Variants in AFAP1 observed in about 807,000 individuals in gnomAD.
AFAP1 encodes the protein actin filament associated protein 1.
In AFAP1, 75 loss-of-function variants were observed where a neutral mutation model predicts 93.9. The observed-to-expected ratio is 0.80, with a 90% confidence interval of 0.66 to 0.97. The LOEUF (loss-of-function observed/expected upper bound fraction) is 0.97, where lower values mean the gene tolerates loss of function less well. Among genes scored for constraint, AFAP1 ranks in the 50% least tolerant of loss-of-function variants. The pLI is 0.00. For missense variants in AFAP1, 1,201 were observed against 1,050.8 expected (o/e 1.14, Z -1.98); for synonymous variants, 517 against 430.7 (o/e 1.20, Z -2.48).
chr4:7,853,418 C>T (rs1329490707), intron 4 of AFAP1, among the ~76,000 whole-genome samples: 5 of 152,300 alleles, frequency 3.3e-5, no homozygotes, highest in East Asian at 3.9e-4. Context: ...TGCAGGTGGA[C>T]GCGGGGACAG....
At chr4:7,838,837 C>G in intron 5 of AFAP1, 134 bp from the exon 6 acceptor site, 1 of 645,952 alleles carries the variant, frequency 1.5e-6, no homozygotes, top group Non-Finnish European at 2.5e-6. Flanking sequence ...AGCAGGTTCA[C>G]ACACACACAC....
intron 6 of AFAP1, among the ~76,000 whole-genome samples, chr4:7,830,014 C>T (rs1721753157): frequency 6.6e-6 from 1 of 152,036 alleles, no homozygotes; most frequent in Non-Finnish European, 1.5e-5. Flanking sequence ...ATGGTCTATT[C>T]ATACAATAAA....
Position 7,939,817 on chromosome 4 carries a change from G to C in AFAP1, c.-164C>G, listed in dbSNP as rs766263663. ...GTGTACCCCGCTCGAGATCCGGCTCGGCTCGCGGAGCTGCAGCCGGCGTGG... is the reference window on the plus strand; with the variant it reads ...GTGTACCCCGCTCGAGATCCGGCTCCGCTCGCGGAGCTGCAGCCGGCGTGG... On this transcript the variant is annotated 5_prime_UTR_variant, in exon 1 of 18. Transcript: ENST00000420658. The surrounding 1 kb of genome is among the most constrained non-coding windows in gnomAD (Gnocchi z 5.6). 7 of 304,190 alleles carry C rather than the reference G, an allele frequency of 2.3e-5. No homozygotes were observed. The highest frequency in any genetic ancestry group is 4.7e-5 in the African/African-American group (2 of 42,864). 18.8% of individuals were successfully genotyped at this position (304,190 alleles called of 1,614,324 possible).
intron 4 of AFAP1, among the ~76,000 whole-genome samples, chr4:7,855,175 C>T (rs925350855): frequency 1.3e-5 from 2 of 152,156 alleles, no homozygotes; most frequent in African/African-American, 4.8e-5. Context: ...AAAAATATAC[C>T]ACAAAGAGCC....
chr4:7,869,034 G>C (rs1396105272), intron 2 of AFAP1, among the ~76,000 whole-genome samples: 2 of 87,232 alleles, frequency 2.3e-5, no homozygotes, highest in Admixed American at 2.3e-4. Flanking sequence ...AAAGAAAAAA[G>C]AAAGAAAAGA....
intron 7 of AFAP1, among the ~76,000 whole-genome samples, chr4:7,817,354 G>T (rs1332911822): frequency 1.3e-5 from 2 of 152,162 alleles, no homozygotes; most frequent in Admixed American, 6.5e-5. Flanking sequence ...TGTAATCCCA[G>T]CACTTTGGGA....
intron 1 of AFAP1, among the ~76,000 whole-genome samples, chr4:7,916,361 A>G (rs1023217515): frequency 1.3e-5 from 2 of 152,030 alleles, no homozygotes; most frequent in African/African-American, 4.8e-5. Context: ...AAAGGCAGGG[A>G]CCTCTCTGGG....
rs772235854 is a variant in AFAP1, at chr4:7,913,408, AT to A, written c.-3+26247del. ...GTCTCCAAAAAAAAAAAAAAAAAAAATGCTAGCGCATCACCCATATTAAAGA... is the reference window on the plus strand; with the variant it reads ...GTCTCCAAAAAAAAAAAAAAAAAAAAGCTAGCGCATCACCCATATTAAAGA... On this transcript the variant is annotated intron_variant, in intron 1 of 17. Coordinates refer to ENST00000420658, the MANE Select transcript of AFAP1 (RefSeq NM_001134647.2). Among the ~76,000 whole-genome samples the A allele has an allele frequency of 6.0e-5, 9 of 151,118 alleles. No individual in the cohort carries two copies. The South Asian group carries it at 1.9e-3, about 32-fold the overall frequency.
At chr4:7,844,367 G>C (rs932981442) in intron 4 of AFAP1, among the ~76,000 whole-genome samples, 1 of 152,092 alleles carries the variant, frequency 6.6e-6, no homozygotes, top group Non-Finnish European at 1.5e-5. Flanking sequence ...AAGAGGCCTC[G>C]CCAGAACCCA....
At chr4:7,830,259 A>T (rs1304576619) in intron 6 of AFAP1, among the ~76,000 whole-genome samples, 1 of 150,608 alleles carries the variant, frequency 6.6e-6, no homozygotes, top group Non-Finnish European at 1.5e-5. Flanking sequence ...CCGCTGGGAG[A>T]AGGGAATTGT....
chr4:7,911,220 C>A (rs1024296056), intron 1 of AFAP1, among the ~76,000 whole-genome samples: 1 of 152,194 alleles, frequency 6.6e-6, no homozygotes, highest in Non-Finnish European at 1.5e-5. Context: ...TTTCTTCCCC[C>A]ACTCCCTGCA....
chr4:7,768,120 C>G (rs1405509430), intron 17 of AFAP1, among the ~76,000 whole-genome samples: 1 of 152,228 alleles, frequency 6.6e-6, no homozygotes, highest in Non-Finnish European at 1.5e-5. Flanking sequence ...CCCACAGAGC[C>G]GGTACAGGAG....
rs746484117 is a variant in AFAP1 at position 7,855,559 on chromosome 4, G to A, written c.241C>T (p.Pro81Ser). 8 of 1,613,398 alleles carry A rather than the reference G, an allele frequency of 5.0e-6. No individual in the cohort carries two copies. The highest frequency in any genetic ancestry group is 4.5e-5 in the East Asian group (2 of 44,888). ...PQPWLPPDSG[P>S]PPLPTSSLPE... ...AGGGAGGATGTTGGCAATGGTGGAG[G>A]CCCACTGTCAGGAGGCTGAGGAAGA... Residue 81 changes from proline (P) to serine (S), a missense_variant, in exon 4 of 18, where the codon CCT (proline) becomes TCT (serine). Coordinates refer to ENST00000420658, the MANE Select transcript of AFAP1 (RefSeq NM_001134647.2).
intron 1 of AFAP1, among the ~76,000 whole-genome samples, chr4:7,903,567 TACTC>T (rs1037614538): frequency 2.5e-4 from 38 of 152,190 alleles, no homozygotes; most frequent in Admixed American, 6.5e-5. Context: ...TAATCCCAGT[TACTC>T]AGGAAGCTGA....
Position 7,923,802 on chromosome 4 carries a change from C to A in AFAP1, c.-3+15854G>T, listed in dbSNP as rs563637240. On this transcript the variant is annotated intron_variant, in intron 1 of 17. Transcript: ENST00000420658. ...TTCTAAGGCCACTGATCCTGTCAGA[C>A]CAGGGCCCACGCTCATGACCTCATC... 5.9e-5 allele frequency among the ~76,000 whole-genome samples: 9 copies of A among 152,222 alleles called. No homozygotes were observed. In the South Asian group the frequency reaches 1.9e-3, roughly 32 times the overall value.
At chr4:7,896,260 C>T (rs1303672443) in intron 1 of AFAP1, among the ~76,000 whole-genome samples, 1 of 152,090 alleles carries the variant, frequency 6.6e-6, no homozygotes, top group Non-Finnish European at 1.5e-5. Flanking sequence ...AGGTTTTTTA[C>T]ATACACCTTT....
chr4:7,843,712 A>G (rs1713346711), intron 4 of AFAP1: 1 of 200,706 alleles, frequency 5.0e-6, no homozygotes, highest in African/African-American at 2.4e-5. Context: ...ACTCTTGCCC[A>G]TGGAGGTCCC....
rs777487482 is a variant in AFAP1 at position 7,814,882 on chromosome 4, G to T, written c.904+1136C>A. Among the ~76,000 whole-genome samples, 75 of 152,290 alleles carry T rather than the reference G, an allele frequency of 4.9e-4. No individual in the cohort carries two copies. The Middle Eastern group carries it at 0.014, about 28-fold the overall frequency. On this transcript the variant is annotated intron_variant, in intron 8 of 17. Coordinates refer to ENST00000420658, the MANE Select transcript of AFAP1 (RefSeq NM_001134647.2). ...ACTCACCAACAGTATGGCAAACAGG[G>T]TGAATTTTATGGCATTTAATTTCTG...
intron 4 of AFAP1, among the ~76,000 whole-genome samples, chr4:7,846,408 A>G (rs1473330931): frequency 6.6e-6 from 1 of 152,226 alleles, no homozygotes; most frequent in Admixed American, 6.5e-5. Context: ...CAGAGGCCAG[A>G]CCGCAGATCG....
Sources: allele counts gnomAD v4.1 joint callset (sites outside exome capture counted in the v4.1 genomes callset), GRCh38; gene constraint gnomAD v4.1.1; non-coding constraint Gnocchi (gnomAD v3.1); transcripts MANE v1.5; gene names NCBI Gene and HGNC (gene_info 2026-07-23, HGNC 2026-07-21).